Variants in EIF2D observed in about 807,000 individuals in gnomAD.
The protein encoded by EIF2D is eukaryotic translation initiation factor 2D.
A neutral mutation model predicts 77.4 loss-of-function variants in EIF2D; 56 were observed. The ratio of observed to expected loss-of-function variants is 0.72; its 90% CI spans 0.58 to 0.90. EIF2D has a LOEUF of 0.90. Ranked by LOEUF, EIF2D falls within the 40% of genes least tolerant of loss-of-function variation. The pLI is 0.00. For synonymous variants in EIF2D, 230 were observed against 271.0 expected, an observed-to-expected ratio of 0.85 and a Z score of 1.49; for missense variants, 574 against 706.5, an observed-to-expected ratio of 0.81 and a Z score of 2.13.
intron 3 of EIF2D, among the ~76,000 whole-genome samples, 189 bp downstream of exon 3, chr1:206,609,187 C>T (rs2102306400): frequency 6.6e-6 from 1 of 152,312 alleles, no homozygotes; most frequent in African/African-American, 2.4e-5. Flanking sequence ...TTATTTAAGC[C>T]TTACAACAGG....
chr1:206,605,450 G>T lies in EIF2D; in HGVS notation c.480C>A (p.Gly160=). ...GCACAGAGAAGCCCCTTCCCTTCAG[G>T]CCTGACGTGAGCATCTCAGCTGTGG... is the stretch of plus-strand genomic sequence containing the variant. ...AMSTAEMLTS[G]LKGRGFSVLH... The change falls in exon 5 of 15, where the codon GGC becomes GGA. Residue 160 remains glycine, a synonymous_variant. Transcript: ENST00000271764. 6.2e-7 allele frequency: 1 copy of T among 1,614,088 alleles called. No homozygotes were observed. The highest frequency in any genetic ancestry group is 2.2e-5 in the East Asian group (1 of 44,878).
chr1:206,586,810 C>T (rs1337085295), downstream of EIF2D: 2 of 1,605,874 alleles, frequency 1.2e-6, no homozygotes, highest in African/African-American at 2.7e-5. Context: ...CCACAAATCT[C>T]CCTCTCGCCT....
Position 206,584,388 on chromosome 1 carries a change from G to C in EIF2D, c.139-3226C>G. 1 of 1,609,686 alleles carries C rather than the reference G, an allele frequency of 6.2e-7. No individual in the cohort carries two copies. Among genetic ancestry groups the C allele is most frequent in the Non-Finnish European group, 8.5e-7 (1 of 1,177,186 alleles). Reference sequence around the variant, plus strand: ...CCTGTGACATGCCCCCGCTGGCAGAGTGAAGACGGCACCTACACGGGTTTC... The same window carrying C: ...CCTGTGACATGCCCCCGCTGGCAGACTGAAGACGGCACCTACACGGGTTTC... On this transcript the variant is annotated intron_variant and NMD_transcript_variant, in intron 2 of 5. Coordinates refer to the EIF2D transcript ENST00000472709. This position sits in a 1 kb window ranked among gnomAD's most constrained non-coding sequence, Gnocchi z 4.9.
At position 206,593,617 on chromosome 1, in the gene EIF2D, A is replaced by G. The variant is rs1288291552; in HGVS notation, c.1684+2T>C. 23 of 1,604,362 alleles carry G rather than the reference A, an allele frequency of 1.4e-5. No individual in the cohort carries two copies. In the Admixed American group the frequency reaches 3.9e-4, roughly 27 times the overall value. ...CCTCCACTCTTCAGAGGGGATGCTC[A>G]CCAAGCAATAGCCAGCCGAGGTGGT... is the stretch of plus-strand genomic sequence containing the variant. On this transcript the variant is annotated splice_donor_variant, in intron 14 of 14. Transcript: ENST00000271764. LOFTEE classifies it high-confidence loss of function.
intron 4 of EIF2D, among the ~76,000 whole-genome samples, chr1:206,580,105 T>G (rs1168806627): frequency 6.6e-6 from 1 of 152,116 alleles, no homozygotes; most frequent in African/African-American, 2.4e-5. Context: ...AAGGCAGAGG[T>G]GCCTGTGGCC....
In EIF2D at chr1:206,603,357, C is replaced by G; in HGVS notation, c.531-153G>C. 3 of 999,370 alleles carry G rather than the reference C, an allele frequency of 3.0e-6. No individual in the cohort carries two copies. The South Asian group carries it at 5.7e-5, about 19-fold the overall frequency. 61.9% of individuals were successfully genotyped at this position (999,370 alleles called of 1,614,324 possible). A position where few individuals can be genotyped will look rare whatever the true frequency, so the allele number is the denominator to read the frequency against. On this transcript the variant is annotated intron_variant, in intron 5 of 14. Coordinates refer to ENST00000271764, the MANE Select transcript of EIF2D (RefSeq NM_006893.3). ...AGAGAGCCTGTGCCCTCATCTCAAG[C>G]GTACTTTCAATTCTGGGCCCCTAAA... is the stretch of plus-strand genomic sequence containing the variant.
At chr1:206,581,073 C>T (rs1186352709) in exon 3 of EIF2D, 1 of 152,144 alleles carries the variant, frequency 6.6e-6, no homozygotes, top group Non-Finnish European at 1.5e-5. Flanking sequence ...GAGCATGGGC[C>T]TTAGATGGAT....
intron 4 of EIF2D, among the ~76,000 whole-genome samples, chr1:206,573,001 C>A (rs1182744797): frequency 1.3e-5 from 2 of 152,112 alleles, no homozygotes; most frequent in Middle Eastern, 3.2e-3. Flanking sequence ...CAAATGACTA[C>A]TGAAGATGAT....
At chr1:206,588,702 A>T (rs1669233531), downstream of EIF2D, 1 of 152,602 alleles carries the variant, frequency 6.6e-6, no homozygotes. Context: ...CAAAGGCAAC[A>T]CAAGCTCGCA....
downstream of EIF2D, chr1:206,589,053 C>T: frequency 6.5e-6 from 1 of 152,738 alleles, no homozygotes. Flanking sequence ...TCAGACTTTA[C>T]TAAAGCACAG....
At chr1:206,604,147 A>C (rs1313208464) in intron 5 of EIF2D, among the ~76,000 whole-genome samples, 1 of 152,216 alleles carries the variant, frequency 6.6e-6, no homozygotes, top group African/African-American at 2.4e-5. Flanking sequence ...AGTACTTGTA[A>C]AATCAGTAAG....
downstream of EIF2D, chr1:206,587,059 C>T (rs1669148007): frequency 6.6e-7 from 1 of 1,521,486 alleles, no homozygotes; most frequent in South Asian, 1.2e-5. Context: ...CACTTTTTCT[C>T]AGGACATCTC....
Position 206,597,163 on chromosome 1 carries a change from C to T in EIF2D, c.1325G>A (p.Cys442Tyr), listed in dbSNP as rs1669688430. The T allele has an allele frequency of 6.2e-7, 1 of 1,613,754 alleles. No individual in the cohort carries two copies. The highest frequency in any genetic ancestry group is 1.7e-5 in the Admixed American group (1 of 59,990). ...LVRLDPILCD[C>Y]ILEKNEQHTV... ...ATGCTGTTCATTTTTCTCTAAGATG[C>T]AGTCACATAGGATGGGATCCAATCT... The change falls in exon 12 of 15, where the codon TGC (cysteine) becomes TAC (tyrosine). Residue 442 changes from cysteine (C) to tyrosine (Y), a missense_variant. Transcript: ENST00000271764.
In EIF2D at chr1:206,606,979, G is replaced by GT. The variant is rs138980151; in HGVS notation, c.422+1256dup. Among the ~76,000 whole-genome samples the GT allele has an allele frequency of 1.2e-3, 187 of 152,248 alleles. 1 individual carries two copies. Among genetic ancestry groups the GT allele is most frequent in the Non-Finnish European group, 2.1e-3 (144 of 68,018 alleles). Reference sequence around the variant, plus strand: ...TTCAACCTAACAATTCTGCATTTTAGTATCTACTCTGGAAAAATACTAGCA... The same window carrying GT: ...TTCAACCTAACAATTCTGCATTTTAGTTATCTACTCTGGAAAAATACTAGCA... On this transcript the variant is annotated intron_variant, in intron 4 of 14. Coordinates refer to ENST00000271764, the MANE Select transcript of EIF2D (RefSeq NM_006893.3).
chr1:206,608,607 G>A (rs1437248498), intron 3 of EIF2D, among the ~76,000 whole-genome samples: 2 of 152,240 alleles, frequency 1.3e-5, no homozygotes, highest in Admixed American at 1.3e-4. Flanking sequence ...GCCGGGCGCA[G>A]TGCCTTATGC....
At chr1:206,596,586 A>G (rs1002267609) in intron 12 of EIF2D, among the ~76,000 whole-genome samples, 2 of 152,222 alleles carry the variant, frequency 1.3e-5, no homozygotes, top group South Asian at 2.1e-4. Context: ...TTTTTCCTTT[A>G]AAGACTTTAA....
At chr1:206,607,608 T>C (rs1553412964) in intron 4 of EIF2D, among the ~76,000 whole-genome samples, 2 of 151,876 alleles carry the variant, frequency 1.3e-5, no homozygotes. Context: ...AAACTGTATC[T>C]CAATAAAGCT....
At chr1:206,588,355 T>C (rs782175839), downstream of EIF2D, 2 of 152,370 alleles carry the variant, frequency 1.3e-5, no homozygotes, top group African/African-American at 2.4e-5. Context: ...ATCAAATTCC[T>C]GACTTACATT....
At chr1:206,586,558 A>C in intron 2 of EIF2D, 2 of 320,168 alleles carry the variant, frequency 6.2e-6, no homozygotes, top group Non-Finnish European at 1.2e-5. Context: ...GCTACACAGA[A>C]ACTTAAGATT....
Sources: gnomAD v4.1 joint callset for allele counts (sites outside exome capture counted in the v4.1 genomes callset) on GRCh38, gnomAD v4.1.1 for gene constraint, Gnocchi (gnomAD v3.1) non-coding constraint, MANE v1.5 for transcripts, NCBI Gene and HGNC (gene_info 2026-07-23, HGNC 2026-07-21) for gene names.